The following VPS51 variants were observed in gnomAD, a reference collection of about 807,000 sequenced individuals.
The protein encoded by VPS51 is VPS51 subunit of GARP complex.
Under a neutral mutation model 65.1 loss-of-function variants are expected in VPS51, and 55 were observed. That is an observed-to-expected ratio of 0.84 (90% confidence interval 0.68 to 1.06). The LOEUF is 1.06. Ranked by LOEUF, VPS51 falls within the 50% of genes least tolerant of loss-of-function variation. The pLI, the probability that VPS51 is intolerant of heterozygous loss-of-function variation, is 0.00. For synonymous variants in VPS51, 473 were observed against 489.5 expected, an observed-to-expected ratio of 0.97 and a Z score of 0.44; for missense variants, 943 against 1,101.6, an observed-to-expected ratio of 0.86 and a Z score of 2.04.
At position 65,108,518 on chromosome 11, in the gene VPS51, T is replaced by G. The variant is rs1480709365; in HGVS notation, c.1047T>G (p.Phe349Leu). Residue 349 changes from phenylalanine (F) to leucine (L), a missense_variant, in exon 5 of 10, where the codon TTT (phenylalanine) becomes TTG (leucine). Transcript: ENST00000279281. Reference protein sequence around the residue: ...AFARQLGSRYFALVERRLAQE... With the variant: ...AFARQLGSRYLALVERRLAQE... ...CCCGGCAGCTGGGCAGCCGCTATTTTGCGCTGGTGGAGCGGCGGCTGGCGC... is the reference window on the plus strand; with the variant it reads ...CCCGGCAGCTGGGCAGCCGCTATTTGGCGCTGGTGGAGCGGCGGCTGGCGC... 1.9e-6 allele frequency: 3 copies of G among 1,597,574 alleles called. No individual in the cohort carries two copies. The highest frequency in any genetic ancestry group is 2.5e-6 in the Non-Finnish European group (3 of 1,176,874).
Position 65,108,452 on chromosome 11 carries a change from G to C in VPS51, c.981G>C (p.Ala327=), listed in dbSNP as rs1477718130. 2.5e-6 allele frequency: 4 copies of C among 1,610,606 alleles called. No homozygotes were observed. Among genetic ancestry groups the C allele is most frequent in the Non-Finnish European group, 3.4e-6 (4 of 1,179,408 alleles). ...CGGCGGCCTACCAGGAGCTGTTTGC[G>C]GCCCAGGGCCCAGCAGGTGCCGAGA... ...QVAAAYQELF[A]AQGPAGAEKL... is the part of the protein sequence containing the mutation. The change falls in exon 5 of 10, where the codon GCG becomes GCC. Residue 327 remains alanine (A), a synonymous_variant. Coordinates refer to ENST00000279281, the MANE Select transcript of VPS51 (RefSeq NM_013265.4).
chr11:65,108,237 G>T lies in VPS51; in HGVS notation c.766G>T (p.Glu256Ter). The change falls in exon 5 of 10, where the codon GAG (glutamate) becomes TAG (stop). Residue 256 changes from glutamate to a stop codon, truncating the protein, a stop_gained. Coordinates refer to ENST00000279281, the MANE Select transcript of VPS51 (RefSeq NM_013265.4). LOFTEE classifies it high-confidence loss of function. Reference protein sequence around the residue: ...SGAPEQAECVELLLALGEPAE... With the variant: ...SGAPEQAECV ...CGCCCCGGAGCAGGCAGAGTGCGTGGAGCTGCTGCTGGCCCTGGGCGAGCC... is the reference window on the plus strand; with the variant it reads ...CGCCCCGGAGCAGGCAGAGTGCGTGTAGCTGCTGCTGGCCCTGGGCGAGCC... 6.2e-7 allele frequency: 1 copy of T among 1,600,392 alleles called. No individual in the cohort carries two copies. Among genetic ancestry groups the T allele is most frequent in the South Asian group, 1.1e-5 (1 of 89,452 alleles).
At chr11:65,103,038 C>T (rs1565311225) in intron 2 of VPS51, among the ~76,000 whole-genome samples, 1 of 152,174 alleles carries the variant, frequency 6.6e-6, no homozygotes, top group South Asian at 2.1e-4. Context: ...TGTGTAGTCC[C>T]AGCTACTTCA....
Position 65,110,559 on chromosome 11 carries a change from C to T in VPS51, c.1956C>T (p.Ser652=). The change falls in exon 8 of 10, where the codon AGC becomes AGT. Residue 652 remains serine (S), a synonymous_variant. Coordinates refer to ENST00000279281, the MANE Select transcript of VPS51 (RefSeq NM_013265.4). The part of the protein sequence containing the change: ...DSSKRTFSVY[S]SSRQQGRYAP... ...GCAAGAGGACTTTCTCCGTGTACAG[C>T]AGCTCTCGGCAGCAGGGCCGCTACG... The T allele has an allele frequency of 6.2e-7, 1 of 1,614,034 alleles. No homozygotes were observed. Among genetic ancestry groups the T allele is most frequent in the South Asian group, 1.1e-5 (1 of 91,088 alleles).
chr11:65,109,868 A>G lies in VPS51; in HGVS notation c.1823A>G (p.Asn608Ser). The G allele has an allele frequency of 6.2e-7, 1 of 1,611,830 alleles. No homozygotes were observed. The highest frequency in any genetic ancestry group is 1.7e-5 in the Admixed American group (1 of 59,856). Residue 608 changes from asparagine (N) to serine (S), a missense_variant, in exon 7 of 10, where the codon AAT becomes AGT. This residue lies in a region of VPS51 where 855 missense variants were observed against 953.7 expected (regional missense o/e 0.90). Transcript: ENST00000279281. ...TGGCTCAGCACTCTGGAGCCCCGGA[A>G]TGTGCGGGCCGTCATGAAGCGGGTG... ...RDWLSTLEPR[N>S]VRAVMKRVVE...
chr11:65,103,388 G>A lies in VPS51; in HGVS notation c.359-4193G>A, dbSNP rs115893533. Among the ~76,000 whole-genome samples the A allele has an allele frequency of 9.0e-3, 1,368 of 152,112 alleles. 23 individuals are homozygous for A. The highest frequency in any genetic ancestry group is 0.031 in the African/African-American group (1,284 of 41,480). The stretch of plus-strand genomic sequence containing the variant: ...CTTTCTATGAAATCATCTCTAAGAG[G>A]GCTAAATGATCCTTTCTTGTGGACT... On this transcript the variant is annotated intron_variant, in intron 2 of 9. Coordinates refer to ENST00000279281, the MANE Select transcript of VPS51 (RefSeq NM_013265.4).
chr11:65,106,602 T>C (rs956254780), intron 2 of VPS51, among the ~76,000 whole-genome samples: 2 of 151,942 alleles, frequency 1.3e-5, no homozygotes, highest in South Asian at 4.1e-4. Context: ...ATACAAAAAA[T>C]TAGCTGGGTG....
chr11:65,101,180 A>T (rs1947805671), intron 2 of VPS51, among the ~76,000 whole-genome samples: 1 of 152,210 alleles, frequency 6.6e-6, no homozygotes, highest in Admixed American at 6.5e-5. Context: ...AATGTTCTGG[A>T]ATTACGTAGT....
At chr11:65,111,143 C>T in intron 9 of VPS51, 184 bp from the exon 10 acceptor site, 1 of 926,872 alleles carries the variant, frequency 1.1e-6, no homozygotes, top group Non-Finnish European at 1.7e-6. Flanking sequence ...TGGGCCCTAC[C>T]TGTCCCCTGC....
chr11:65,096,500 G>T (rs776030997), intron 1 of VPS51, 22 bp downstream of exon 1: 2 of 1,254,090 alleles, frequency 1.6e-6, no homozygotes, highest in African/African-American at 1.5e-5. Flanking sequence ...CGGGGAGTGG[G>T]GGGGTGCGGG....
intron 2 of VPS51, among the ~76,000 whole-genome samples, chr11:65,098,521 T>C (rs1947786188): frequency 6.6e-6 from 1 of 152,210 alleles, no homozygotes; most frequent in Non-Finnish European, 1.5e-5. Context: ...GTGTAGTAAG[T>C]CCAGGAGCCA....
intron 7 of VPS51, 65 bp from the exon 8 acceptor site, chr11:65,110,417 A>G (rs1590814234): frequency 1.9e-6 from 3 of 1,612,174 alleles, no homozygotes; most frequent in South Asian, 2.2e-5. Context: ...GGGCATCCTC[A>G]GCACCGATGG....
intron 2 of VPS51, among the ~76,000 whole-genome samples, chr11:65,100,525 G>GTTTTTTTTTTTTTTTTTTTT: frequency 1.5e-5 from 1 of 65,614 alleles, no homozygotes; most frequent in Non-Finnish European, 2.8e-5. Flanking sequence ...TCATAGCAGT[G>GTTTTTTTTTTTTTTTTTTTT]TTTTTTTTTT....
At chr11:65,098,546 A>G (rs1947786325) in intron 2 of VPS51, among the ~76,000 whole-genome samples, 1 of 152,276 alleles carries the variant, frequency 6.6e-6, no homozygotes, top group South Asian at 2.1e-4. Flanking sequence ...CAAAGGGTTT[A>G]CCTGCAGCCT....
At chr11:65,100,788 C>T (rs780525485) in intron 2 of VPS51, among the ~76,000 whole-genome samples, 1 of 151,976 alleles carries the variant, frequency 6.6e-6, no homozygotes, top group African/African-American at 2.4e-5. Flanking sequence ...TCAAGTGATC[C>T]GCTTGCCTCG....
At chr11:65,106,736 G>A (rs1168553466) in intron 2 of VPS51, among the ~76,000 whole-genome samples, 3 of 142,554 alleles carry the variant, frequency 2.1e-5, no homozygotes, top group African/African-American at 7.7e-5. Context: ...GGGCGACAGA[G>A]CGAGACTCAG....
In VPS51 at chr11:65,109,919, T is replaced by C; in HGVS notation, c.1874T>C (p.Val625Ala). Residue 625 changes from valine to alanine, a missense_variant, in exon 7 of 10, where the codon GTG becomes GCG. By Grantham distance (64) the Val-to-Ala change is moderately conservative (BLOSUM62 0). This residue lies in a region of VPS51 where 855 missense variants were observed against 953.7 expected (regional missense o/e 0.90). Transcript: ENST00000279281. ...RVVEDTTAID[V>A]QVGLLYEEGV... ...GTGGAGGATACCACCGCCATCGACG[T>C]GCAGGTGCTGCCCAGGCTGGCCGGG... The C allele has an allele frequency of 6.3e-7, 1 of 1,596,302 alleles. No individual in the cohort carries two copies. The highest frequency in any genetic ancestry group is 8.5e-7 in the Non-Finnish European group (1 of 1,174,592).
At chr11:65,108,081 C>T (rs982284700) in intron 4 of VPS51, 59 bp downstream of exon 4, 52 of 1,494,500 alleles carry the variant, frequency 3.5e-5, no homozygotes, top group Admixed American at 8.8e-5. Flanking sequence ...CATCTGTGCC[C>T]GGCTCCTGGG....
rs773744856 is a variant in VPS51, at chr11:65,107,363, C to T, written c.359-218C>T. On this transcript the variant is annotated intron_variant, in intron 2 of 9. Transcript: ENST00000279281. The surrounding 1 kb of genome is among the most constrained non-coding windows in gnomAD (Gnocchi z 4.0). The stretch of plus-strand genomic sequence containing the variant: ...CCTGGGCACCAGGGTTAGGGGGTTA[C>T]GGGGAGTATGTGAGTAACGCCTGCT... The T allele has an allele frequency of 1.4e-5, 9 of 643,892 alleles. No homozygotes were observed. The highest frequency in any genetic ancestry group is 2.5e-5 in the Non-Finnish European group (9 of 361,786). The allele number at this position is 643,892 out of a possible 1,614,324, so 39.9% of individuals were successfully genotyped here.
Sources: gnomAD v4.1 joint callset for allele counts (sites outside exome capture counted in the v4.1 genomes callset) on GRCh38, gnomAD v4.1.1 for gene constraint, gnomAD v4.1.1 regional missense constraint, Gnocchi (gnomAD v3.1) non-coding constraint, MANE v1.5 for transcripts, NCBI Gene and HGNC (gene_info 2026-07-23, HGNC 2026-07-21) for gene names.